The following ACTR8 variants were observed in gnomAD, a reference collection of about 807,000 sequenced individuals.
ACTR8 encodes the protein actin-related protein 8.
ACTR8 carries 70 observed loss-of-function variants against 84.3 expected under a neutral mutation model. That is an observed-to-expected ratio of 0.83 (90% CI 0.68 to 1.01). The LOEUF (loss-of-function observed/expected upper bound fraction) is 1.01. Ranked by LOEUF, ACTR8 falls within the 50% of genes least tolerant of loss-of-function variation. ACTR8 has a pLI of 0.00. For missense variants in ACTR8, 672 were observed against 775.4 expected (o/e 0.87, Z 1.58); for synonymous variants, 268 against 275.2 (o/e 0.97, Z 0.26).
chr3:53,876,761 G>T (rs1328845242), intron 5 of ACTR8, 48 bp from the exon 6 acceptor site: 1 of 1,026,640 alleles, frequency 9.7e-7, no homozygotes, highest in Non-Finnish European at 1.4e-6. Context: ...AGTCTAGTCA[G>T]GTCAAATTCA....
At chr3:53,863,695 G>A (rs1699656372), downstream of ACTR8, among the ~76,000 whole-genome samples, 1 of 152,152 alleles carries the variant, frequency 6.6e-6, no homozygotes, top group Non-Finnish European at 1.5e-5. Flanking sequence ...TCTACCACCT[G>A]CAGGTAGAAG....
At chr3:53,874,187 C>A (rs1341825840) in intron 8 of ACTR8, 24 bp downstream of exon 8, 1 of 1,577,812 alleles carries the variant, frequency 6.3e-7, no homozygotes, top group Non-Finnish European at 8.6e-7. Flanking sequence ...CAAAAATAAT[C>A]AGCAATATTG....
chr3:53,861,991 C>T, the ACTR8 span, among the ~76,000 whole-genome samples: 46,842 of 152,050 alleles, frequency 0.31, 7,418 homozygotes, highest in East Asian at 0.48. Context: ...AAGCTGCTAA[C>T]CCCCTGGCCT....
rs762270577 is a variant in ACTR8, at chr3:53,876,084, G to GT, written c.779-5_779-4insA. ...GACTCCTGATGGACCACAATCCCTG[G>GT]GGGGGGAAAAGAAAAGGCAGAGTAG... On this transcript the variant is annotated splice_region_variant and splice_polypyrimidine_tract_variant and intron_variant, in intron 6 of 12. Coordinates refer to ENST00000335754, the MANE Select transcript of ACTR8 (RefSeq NM_022899.5). 46 of 1,582,006 alleles carry GT rather than the reference G, an allele frequency of 2.9e-5. No homozygotes were observed. The African/African-American group carries it at 5.0e-4, about 17-fold the overall frequency.
chr3:53,869,002 G>T, intron 12 of ACTR8, 140 bp from the exon 13 acceptor site: 2 of 1,232,642 alleles, frequency 1.6e-6, no homozygotes, highest in Non-Finnish European at 2.2e-6. Context: ...AAGACAGCAG[G>T]ATTAAATACA....
chr3:53,864,598 T>C, downstream of ACTR8: 1 of 660,948 alleles, frequency 1.5e-6, no homozygotes, highest in Non-Finnish European at 2.7e-6. Context: ...AAAAGGAACA[T>C]CAGGATGTTT....
At chr3:53,873,617 C>T (rs903870705) in intron 8 of ACTR8, among the ~76,000 whole-genome samples, 3 of 152,192 alleles carry the variant, frequency 2.0e-5, no homozygotes, top group African/African-American at 2.4e-5. Context: ...ATCTTCCTTA[C>T]ACCTAAAGGT....
chr3:53,865,360 A>C, downstream of ACTR8: 2 of 1,429,536 alleles, frequency 1.4e-6, no homozygotes, highest in Non-Finnish European at 1.9e-6. Flanking sequence ...CACCAATTAC[A>C]GGGAAAAAAC....
intron 3 of ACTR8, among the ~76,000 whole-genome samples, chr3:53,878,043 T>A (rs1375190249): frequency 6.6e-6 from 1 of 152,248 alleles, no homozygotes; most frequent in Non-Finnish European, 1.5e-5. Flanking sequence ...TCCTGTCCAT[T>A]CCTATCATAT....
chr3:53,869,884 C>G (rs1396432286), intron 12 of ACTR8, 98 bp downstream of exon 12: 30 of 1,437,462 alleles, frequency 2.1e-5, no homozygotes, highest in Non-Finnish European at 2.7e-5. Context: ...CTCAAGAACT[C>G]CTCAGACACA....
chr3:53,868,661 G>C lies in ACTR8; in HGVS notation c.*58C>G. The C allele has an allele frequency of 1.3e-6, 2 of 1,590,630 alleles. No homozygotes were observed. The highest frequency in any genetic ancestry group is 1.8e-5 in the Admixed American group (1 of 56,326). On this transcript the variant is annotated 3_prime_UTR_variant, in exon 13 of 13. Transcript: ENST00000335754. ...AAATTACAATACACATATTCTGTAA[G>C]AGTCTTTTATACCAAGAAGCTTGTT...
intron 1 of ACTR8, chr3:53,881,698 C>T (rs1700062862): frequency 3.7e-6 from 2 of 534,254 alleles, no homozygotes; most frequent in Non-Finnish European, 6.7e-6. Context: ...AAGCTGAGGC[C>T]AGAGCCCGGG....
At chr3:53,873,288 G>A (rs1699916190) in intron 8 of ACTR8, 161 bp from the exon 9 acceptor site, 1 of 456,894 alleles carries the variant, frequency 2.2e-6, no homozygotes, top group Non-Finnish European at 3.9e-6. Context: ...GAATTAAGTT[G>A]TACTTTGTTC....
chr3:53,863,883 T>G (rs1460255853), downstream of ACTR8, among the ~76,000 whole-genome samples: 2 of 149,812 alleles, frequency 1.3e-5, no homozygotes, highest in Non-Finnish European at 3.0e-5. Context: ...AGTGGAATGG[T>G]GTGATCTTGG....
chr3:53,874,316 C>A lies in ACTR8; in HGVS notation c.960G>T (p.Trp320Cys). 1 of 1,614,102 alleles carries A rather than the reference C, an allele frequency of 6.2e-7. No homozygotes were observed. Among genetic ancestry groups the A allele is most frequent in the Non-Finnish European group, 8.5e-7 (1 of 1,180,022 alleles). ...AAGGGAACCCAGCTCGCTGCATTAG[C>A]CAGTAAAAACATCTTGACACATCAG... is the stretch of plus-strand genomic sequence containing the variant. ...GGSDVSRCFY[W>C]LMQRAGFPYR... The change falls in exon 8 of 13, where the codon TGG becomes TGT. Residue 320 changes from tryptophan (W) to cysteine (C), a missense_variant. By Grantham distance (215) the Trp-to-Cys change is radical. Coordinates refer to ENST00000335754, the MANE Select transcript of ACTR8 (RefSeq NM_022899.5).
At chr3:53,878,319 G>T (rs1700005990) in intron 3 of ACTR8, 38 bp downstream of exon 3, 1 of 1,358,552 alleles carries the variant, frequency 7.4e-7, no homozygotes, top group Non-Finnish European at 1.1e-6. Context: ...GATACCAATA[G>T]TGGTGATAAA....
chr3:53,879,887 C>A (rs900697934), intron 2 of ACTR8, 52 bp downstream of exon 2: 29 of 1,509,722 alleles, frequency 1.9e-5, no homozygotes, highest in Non-Finnish European at 2.1e-5. Flanking sequence ...TGTGTCTAAG[C>A]CCTCCCAGGG....
intron 7 of ACTR8, among the ~76,000 whole-genome samples, chr3:53,875,414 T>C (rs1389265544): frequency 3.3e-5 from 5 of 152,232 alleles, no homozygotes; most frequent in African/African-American, 1.2e-4. Context: ...TGCTTACATA[T>C]GTTAGGCTTG....
intron 1 of ACTR8, 148 bp from the exon 2 acceptor site, chr3:53,880,257 C>A (rs1700038833): frequency 2.6e-6 from 2 of 765,108 alleles, no homozygotes; most frequent in Admixed American, 5.5e-5. Flanking sequence ...ATCCAATTAC[C>A]GCTCTCTACC....
Sources: allele counts gnomAD v4.1 joint callset (sites outside exome capture counted in the v4.1 genomes callset), GRCh38; gene constraint gnomAD v4.1.1; transcripts MANE v1.5; gene names NCBI Gene and HGNC (gene_info 2026-07-23, HGNC 2026-07-21).